Variants in CD247 observed in about 807,000 individuals in gnomAD.
The protein encoded by CD247 is T-cell surface glycoprotein CD3 zeta chain.
In CD247, 13 loss-of-function variants were observed where a neutral mutation model predicts 30.0. That is an observed-to-expected ratio of 0.43 (90% CI 0.28 to 0.69). The LOEUF (loss-of-function observed/expected upper bound fraction) is 0.69. CD247 is among the 30% of genes least tolerant of loss of function. CD247 has a pLI of 0.16. For synonymous variants in CD247, 72 were observed against 80.0 expected, an observed-to-expected ratio of 0.90 and a Z score of 0.53; for missense variants, 193 against 212.6, an observed-to-expected ratio of 0.91 and a Z score of 0.57.
chr1:167,442,906 C>T (rs541693946), intron 1 of CD247, among the ~76,000 whole-genome samples: 2 of 152,310 alleles, frequency 1.3e-5, no homozygotes, highest in East Asian at 3.9e-4. Flanking sequence ...TAGGGCTCTG[C>T]CATAACCAGT....
At chr1:167,467,792 G>A (rs1456498035) in intron 1 of CD247, among the ~76,000 whole-genome samples, 1 of 152,102 alleles carries the variant, frequency 6.6e-6, no homozygotes, top group East Asian at 1.9e-4. Flanking sequence ...TAGGGCCTCC[G>A]TCTGGTCGGT....
At chr1:167,433,087 A>C in intron 6 of CD247, 28 bp from the exon 7 acceptor site, 1 of 1,613,642 alleles carries the variant, frequency 6.2e-7, no homozygotes, top group African/African-American at 1.3e-5. Flanking sequence ...AAATGAGAAA[A>C]GGATTAGAAA....
At chr1:167,469,926 T>TA (rs947929610) in intron 1 of CD247, among the ~76,000 whole-genome samples, 4 of 152,138 alleles carry the variant, frequency 2.6e-5, no homozygotes, top group African/African-American at 9.7e-5. Flanking sequence ...TATTTTATTT[T>TA]TTTTGAGATG....
chr1:167,432,705 G>T (rs989296995), intron 7 of CD247, among the ~76,000 whole-genome samples: 1 of 152,236 alleles, frequency 6.6e-6, no homozygotes, highest in Non-Finnish European at 1.5e-5. Flanking sequence ...AAAGAGGCAG[G>T]ATAATCACTT....
chr1:167,504,440 T>A (rs754571987), intron 1 of CD247, among the ~76,000 whole-genome samples: 3 of 152,268 alleles, frequency 2.0e-5, no homozygotes, highest in Non-Finnish European at 4.4e-5. Flanking sequence ...CTGCATTTTA[T>A]TTCTATCTCT....
chr1:167,432,266 C>T (rs1025334625), intron 7 of CD247, among the ~76,000 whole-genome samples: 12 of 152,180 alleles, frequency 7.9e-5, no homozygotes, highest in African/African-American at 2.7e-4. Flanking sequence ...TTCTTGGTCA[C>T]GAACAGGCCC....
At chr1:167,461,617 A>G (rs1025594118) in intron 1 of CD247, among the ~76,000 whole-genome samples, 3 of 152,234 alleles carry the variant, frequency 2.0e-5, no homozygotes, top group African/African-American at 7.2e-5. Flanking sequence ...TAGGAGGCCC[A>G]GGCGGGCGGA....
intron 1 of CD247, 150 bp downstream of exon 1, chr1:167,518,258 C>A (rs979717421): frequency 1.3e-6 from 1 of 752,124 alleles, no homozygotes; most frequent in Admixed American, 2.0e-5. Context: ...CCGGGCCGGA[C>A]CCCTCACTGC....
At chr1:167,478,412 G>A (rs764360548) in intron 1 of CD247, among the ~76,000 whole-genome samples, 8 of 152,202 alleles carry the variant, frequency 5.3e-5, no homozygotes, top group African/African-American at 1.7e-4. Context: ...AAGACTTGAG[G>A]ACTTTAAAGC....
At chr1:167,499,891 G>A (rs1195048371) in intron 1 of CD247, among the ~76,000 whole-genome samples, 1 of 152,142 alleles carries the variant, frequency 6.6e-6, no homozygotes, top group Non-Finnish European at 1.5e-5. Flanking sequence ...ATCCCCGAGG[G>A]CTGTGGATTT....
intron 1 of CD247, among the ~76,000 whole-genome samples, chr1:167,499,599 G>T (rs73031805): frequency 0.03 from 4,543 of 152,208 alleles, 238 homozygotes; most frequent in African/African-American, 0.1. Flanking sequence ...TAACCTCTAA[G>T]AGGAAAACAA....
chr1:167,497,889 A>C (rs1187579433), intron 1 of CD247, among the ~76,000 whole-genome samples: 2 of 152,188 alleles, frequency 1.3e-5, no homozygotes. Flanking sequence ...AAGGTTCTTT[A>C]CCCAGCACAG....
intron 1 of CD247, among the ~76,000 whole-genome samples, chr1:167,445,956 T>A (rs140027306): frequency 1.1e-3 from 173 of 152,324 alleles, no homozygotes; most frequent in Middle Eastern, 3.4e-3. Flanking sequence ...TAGATTCTTA[T>A]GAGTGCCAGG....
intron 1 of CD247, among the ~76,000 whole-genome samples, chr1:167,462,515 G>A (rs1257182770): frequency 6.6e-6 from 1 of 152,256 alleles, no homozygotes; most frequent in Non-Finnish European, 1.5e-5. Flanking sequence ...GCCTGTGTGT[G>A]TAAACAAGTG....
At chr1:167,464,516 A>C (rs1484604838) in intron 1 of CD247, among the ~76,000 whole-genome samples, 1 of 152,192 alleles carries the variant, frequency 6.6e-6, no homozygotes, top group Non-Finnish European at 1.5e-5. Context: ...CATGGGGAGA[A>C]GCTTCCCTCA....
chr1:167,441,262 A>G (rs1471202764), intron 1 of CD247, among the ~76,000 whole-genome samples: 4 of 152,200 alleles, frequency 2.6e-5, no homozygotes, highest in Non-Finnish European at 4.4e-5. Context: ...TAACTAGGAC[A>G]GGGAGAATCT....
In CD247 at chr1:167,452,286, G is replaced by A. The variant is rs144041853; in HGVS notation, c.59-11519C>T. ...AAAATACAAAAAATTAGCTGGGCAT[G>A]GTGGTACACCATGAGGCTTCAGGAG... is the stretch of plus-strand genomic sequence containing the variant. On this transcript the variant is annotated intron_variant, in intron 1 of 7. Transcript: ENST00000362089. Among the ~76,000 whole-genome samples the A allele has an allele frequency of 1.3e-3, 200 of 151,792 alleles. 1 individual carries two copies. The highest frequency in any genetic ancestry group is 4.4e-3 in the African/African-American group (182 of 41,404).
Position 167,438,656 on chromosome 1 carries a change from A to G in CD247, c.220-6T>C. ...CTTCGTCCTAGATTGAGCTCCTATAACAGATAAGAAAGTGTCAGACACAGG... is the reference window on the plus strand; with the variant it reads ...CTTCGTCCTAGATTGAGCTCCTATAGCAGATAAGAAAGTGTCAGACACAGG... On this transcript the variant is annotated splice_polypyrimidine_tract_variant and splice_region_variant and intron_variant, in intron 3 of 7. Coordinates refer to ENST00000362089, the MANE Select transcript of CD247 (RefSeq NM_198053.3). 6.2e-7 allele frequency: 1 copy of G among 1,609,906 alleles called. No individual in the cohort carries two copies. Among genetic ancestry groups the G allele is most frequent in the South Asian group, 1.1e-5 (1 of 91,000 alleles).
At chr1:167,485,498 G>T (rs1295148633) in intron 1 of CD247, among the ~76,000 whole-genome samples, 1 of 152,114 alleles carries the variant, frequency 6.6e-6, no homozygotes, top group Non-Finnish European at 1.5e-5. Flanking sequence ...CAAAAACCTA[G>T]TCTAGGGTGT....
Sources: gnomAD v4.1 joint callset for allele counts (sites outside exome capture counted in the v4.1 genomes callset) on GRCh38, gnomAD v4.1.1 for gene constraint, MANE v1.5 for transcripts, NCBI Gene and HGNC (gene_info 2026-07-23, HGNC 2026-07-21) for gene names.